LCLAT1: variants seen among roughly 807,000 people sequenced by gnomAD.
LCLAT1 encodes 1-AGP acyltransferase 8.
LCLAT1 carries 11 observed loss-of-function variants against 30.7 expected under a neutral mutation model. That is an observed-to-expected ratio of 0.36 (90% CI 0.23 to 0.59). LCLAT1 has a LOEUF of 0.59. Among genes scored for constraint, LCLAT1 ranks in the 20% least tolerant of loss-of-function variants. LCLAT1 has a pLI of 0.77. For synonymous variants in LCLAT1, 155 were observed against 151.3 expected (o/e 1.02, Z -0.18); for missense variants, 402 against 458.6 (o/e 0.88, Z 1.13).
At chr2:30,590,006 AAG>A (rs1373473631) in intron 5 of LCLAT1, among the ~76,000 whole-genome samples, 1 of 152,048 alleles carries the variant, frequency 6.6e-6, no homozygotes, top group Non-Finnish European at 1.5e-5. Context: ...TTTGTTTTGA[AAG>A]AGAGGTGATA....
chr2:30,461,056 G>A (rs1682096719), intron 1 of LCLAT1, among the ~76,000 whole-genome samples: 1 of 152,166 alleles, frequency 6.6e-6, no homozygotes, highest in South Asian at 2.1e-4. Flanking sequence ...ATTGTATAGT[G>A]CTTTCACTGA....
At chr2:30,519,909 G>C (rs947470296) in intron 1 of LCLAT1, among the ~76,000 whole-genome samples, 2 of 152,168 alleles carry the variant, frequency 1.3e-5, no homozygotes, top group African/African-American at 4.8e-5. Flanking sequence ...CACCTTCTCA[G>C]ACTGGCCATT....
At chr2:30,592,840 A>G (rs992028469) in intron 5 of LCLAT1, among the ~76,000 whole-genome samples, 3 of 148,192 alleles carry the variant, frequency 2.0e-5, no homozygotes, top group Admixed American at 6.7e-5. Context: ...CATATGTGAT[A>G]TTTTGATAAC....
chr2:30,517,074 C>A (rs577206841), intron 1 of LCLAT1, among the ~76,000 whole-genome samples: 2 of 152,320 alleles, frequency 1.3e-5, no homozygotes, highest in East Asian at 3.9e-4. Context: ...ATGCAGGCAC[C>A]CCTACCTCTC....
At chr2:30,538,638 A>AAAAAAAT (rs1443840755) in intron 3 of LCLAT1, among the ~76,000 whole-genome samples, 1 of 152,112 alleles carries the variant, frequency 6.6e-6, no homozygotes, top group East Asian at 1.9e-4. Flanking sequence ...TCCATCTCAA[A>AAAAAAAT]AAAAAATAAA....
At chr2:30,535,806 A>G (rs1686214518) in intron 3 of LCLAT1, among the ~76,000 whole-genome samples, 1 of 152,156 alleles carries the variant, frequency 6.6e-6, no homozygotes, top group Non-Finnish European at 1.5e-5. Context: ...TCCAGTTAAT[A>G]TACCCCAAAG....
intron 5 of LCLAT1, among the ~76,000 whole-genome samples, chr2:30,584,086 C>T (rs1666323997): frequency 6.6e-6 from 1 of 152,100 alleles, no homozygotes; most frequent in Non-Finnish European, 1.5e-5. Flanking sequence ...CATGTGTTCT[C>T]ATTGTTCAAC....
chr2:30,610,565 CTTG>C (rs774873374), intron 5 of LCLAT1, among the ~76,000 whole-genome samples: 1 of 152,004 alleles, frequency 6.6e-6, no homozygotes, highest in Non-Finnish European at 1.5e-5. Flanking sequence ...TATTTAAGAC[CTTG>C]TTGTTTGAAT....
intron 3 of LCLAT1, among the ~76,000 whole-genome samples, chr2:30,542,103 A>G (rs1347284085): frequency 1.3e-5 from 2 of 152,138 alleles, no homozygotes; most frequent in African/African-American, 4.8e-5. Flanking sequence ...GAGTTCTTCA[A>G]AAATTCTGGA....
At chr2:30,496,207 C>T (rs6727601) in intron 1 of LCLAT1, among the ~76,000 whole-genome samples, 17,559 of 152,202 alleles carry the variant, frequency 0.12, 1,362 homozygotes, top group East Asian at 0.29. Flanking sequence ...CTCCATGATC[C>T]AGTCACCTCC....
Position 30,533,097 on chromosome 2 carries a change from A to G in LCLAT1, c.166-19A>G, listed in dbSNP as rs763688346. 14 of 1,550,178 alleles carry G rather than the reference A, an allele frequency of 9.0e-6. No individual in the cohort carries two copies. Among genetic ancestry groups the G allele is most frequent in the Admixed American group, 3.3e-5 (2 of 59,928 alleles). On this transcript the variant is annotated intron_variant, in intron 2 of 5. Transcript: ENST00000379509. Reference sequence around the variant, plus strand: ...AAATCATAACTTTAATTTGCTGTATATCTGTATTGTTTTCTTAGGCATTAT... The same window carrying G: ...AAATCATAACTTTAATTTGCTGTATGTCTGTATTGTTTTCTTAGGCATTAT...
intron 3 of LCLAT1, among the ~76,000 whole-genome samples, chr2:30,551,093 C>G (rs1248758520): frequency 1.3e-5 from 2 of 152,170 alleles, no homozygotes; most frequent in African/African-American, 4.8e-5. Flanking sequence ...ATCCTTCCGC[C>G]TCAGCCTCCT....
intron 2 of LCLAT1, among the ~76,000 whole-genome samples, chr2:30,526,211 C>T (rs1053280902): frequency 4.6e-5 from 7 of 151,340 alleles, no homozygotes; most frequent in Non-Finnish European, 8.8e-5. Flanking sequence ...TTTTTTTCTG[C>T]CTTATTCTCT....
chr2:30,526,663 C>A (rs1346223215), intron 2 of LCLAT1, among the ~76,000 whole-genome samples: 2 of 152,108 alleles, frequency 1.3e-5, no homozygotes, highest in Non-Finnish European at 2.9e-5. Context: ...TTGGCAGGAT[C>A]TCTTAATGTT....
chr2:30,558,466 G>A (rs563465240), intron 3 of LCLAT1, among the ~76,000 whole-genome samples: 60 of 152,102 alleles, frequency 3.9e-4, no homozygotes, highest in African/African-American at 1.3e-3. Flanking sequence ...CGGGCATGGT[G>A]GCATGTGCCT....
At chr2:30,492,589 A>G (rs1000898038) in intron 1 of LCLAT1, among the ~76,000 whole-genome samples, 4 of 152,100 alleles carry the variant, frequency 2.6e-5, no homozygotes, top group Admixed American at 6.6e-5. Flanking sequence ...AAAGAAAAAA[A>G]AAAAAAACCT....
chr2:30,537,945 A>C (rs187882678), intron 3 of LCLAT1, among the ~76,000 whole-genome samples: 20 of 152,272 alleles, frequency 1.3e-4, no homozygotes, highest in South Asian at 6.2e-4. Context: ...AAACTGTACC[A>C]ATACTTGGAA....
At chr2:30,585,198 C>T (rs1227380351) in intron 5 of LCLAT1, among the ~76,000 whole-genome samples, 2 of 152,034 alleles carry the variant, frequency 1.3e-5, no homozygotes, top group Non-Finnish European at 2.9e-5. Context: ...CCCTCTCAAG[C>T]GCTGTTCATT....
At chr2:30,464,995 C>T (rs1475920580) in intron 1 of LCLAT1, among the ~76,000 whole-genome samples, 2 of 152,146 alleles carry the variant, frequency 1.3e-5, no homozygotes, top group Non-Finnish European at 2.9e-5. Flanking sequence ...CAGGCATGAG[C>T]CACCATGCCT....
Sources: gnomAD v4.1 joint callset for allele counts (sites outside exome capture counted in the v4.1 genomes callset) on GRCh38, gnomAD v4.1.1 for gene constraint, MANE v1.5 for transcripts, NCBI Gene and HGNC (gene_info 2026-07-23, HGNC 2026-07-21) for gene names.